CNTNAP2: variants seen among roughly 807,000 people sequenced by gnomAD.
CNTNAP2 encodes the protein contactin associated protein 2, also known as contactin-associated protein-like 2.
A neutral mutation model predicts 155.2 loss-of-function variants in CNTNAP2; 98 were observed. That is an observed-to-expected ratio of 0.63 (90% confidence interval 0.54 to 0.75). The LOEUF is 0.75. Ranked by LOEUF, CNTNAP2 falls within the 30% of genes least tolerant of loss-of-function variation. The probability of loss-of-function intolerance (pLI) is 0.00; values close to 1 mark genes in which losing one functional copy is unlikely to be tolerated. For synonymous variants in CNTNAP2, 651 were observed against 631.2 expected, an observed-to-expected ratio of 1.03 and a Z score of -0.47; for missense variants, 1,727 against 1,688.1, an observed-to-expected ratio of 1.02 and a Z score of -0.40.
At chr7:146,392,250 A>G (rs912267650) in intron 1 of CNTNAP2, among the ~76,000 whole-genome samples, 4 of 152,070 alleles carry the variant, frequency 2.6e-5, no homozygotes, top group African/African-American at 7.3e-5. Flanking sequence ...ATACATGCCA[A>G]TGACTTATGA....
At chr7:147,782,550 A>T (rs115507925) in intron 13 of CNTNAP2, among the ~76,000 whole-genome samples, 4 of 152,194 alleles carry the variant, frequency 2.6e-5, no homozygotes, top group Non-Finnish European at 5.9e-5. Flanking sequence ...GCATCCTCAC[A>T]TAGCGGAAGT....
At chr7:146,548,602 A>C (rs1229588132) in intron 1 of CNTNAP2, among the ~76,000 whole-genome samples, 2 of 151,944 alleles carry the variant, frequency 1.3e-5, no homozygotes, top group African/African-American at 4.8e-5. Flanking sequence ...ACGCTAAGCA[A>C]TCTTCATAGG....
chr7:147,128,853 G>C lies in CNTNAP2; in HGVS notation c.1083+17G>C, dbSNP rs112266985. Reference sequence around the variant, plus strand: ...TCAAATGTGGTAAGGATTTTCACCCGCAAAATATTGGTCTATAAAATATCA... The same window carrying C: ...TCAAATGTGGTAAGGATTTTCACCCCCAAAATATTGGTCTATAAAATATCA... On this transcript the variant is annotated intron_variant, in intron 7 of 23. Transcript: ENST00000361727. 12 of 1,613,598 alleles carry C rather than the reference G, an allele frequency of 7.4e-6. No homozygotes were observed. The highest frequency in any genetic ancestry group is 1.0e-5 in the Non-Finnish European group (12 of 1,179,684).
intron 8 of CNTNAP2, among the ~76,000 whole-genome samples, chr7:147,187,707 G>GT (rs1802596404): frequency 6.6e-6 from 1 of 152,084 alleles, no homozygotes; most frequent in African/African-American, 2.4e-5. Flanking sequence ...ATATATCTTT[G>GT]TAAAAACCTG....
intron 1 of CNTNAP2, among the ~76,000 whole-genome samples, chr7:146,323,471 T>C (rs569114150): frequency 1.3e-5 from 2 of 152,238 alleles, no homozygotes; most frequent in African/African-American, 4.8e-5. Flanking sequence ...GCTATGAAAG[T>C]TAACGGCTAT....
At chr7:148,379,484 G>A (rs1007228818) in intron 21 of CNTNAP2, among the ~76,000 whole-genome samples, 12 of 152,006 alleles carry the variant, frequency 7.9e-5, no homozygotes, top group East Asian at 3.9e-4. Context: ...TGGGTGGATC[G>A]CTTGAGCCTA....
chr7:147,477,738 C>T (rs1051068399), intron 10 of CNTNAP2, among the ~76,000 whole-genome samples: 19 of 152,060 alleles, frequency 1.2e-4, no homozygotes, highest in African/African-American at 3.9e-4. Context: ...TTCAAAAATC[C>T]CTTGAACAGT....
At chr7:147,347,477 CATATAT>C (rs376714937) in intron 9 of CNTNAP2, among the ~76,000 whole-genome samples, 10 of 30,172 alleles carry the variant, frequency 3.3e-4, no homozygotes, top group Admixed American at 2.3e-3. Context: ...TATATATATG[CATATAT>C]ATATATATGC....
chr7:148,249,496 C>T (rs1479536775), intron 20 of CNTNAP2, among the ~76,000 whole-genome samples: 1 of 152,102 alleles, frequency 6.6e-6, no homozygotes. Context: ...ATCTCTGTGC[C>T]TCAAACTCCA....
At chr7:147,739,610 G>A (rs59649030) in intron 13 of CNTNAP2, among the ~76,000 whole-genome samples, 1 of 151,794 alleles carries the variant, frequency 6.6e-6, no homozygotes, top group African/African-American at 2.4e-5. Context: ...ATTTATTTCA[G>A]AGAAAATCAT....
chr7:146,332,590 T>C (rs1801204930), intron 1 of CNTNAP2, among the ~76,000 whole-genome samples: 1 of 152,138 alleles, frequency 6.6e-6, no homozygotes, highest in African/African-American at 2.4e-5. Context: ...CAAGCATGAA[T>C]TATCAGATCT....
chr7:147,864,488 G>A (rs1177334049), intron 13 of CNTNAP2, among the ~76,000 whole-genome samples: 14 of 151,142 alleles, frequency 9.3e-5, no homozygotes, highest in Admixed American at 6.6e-4. Context: ...GCTTGATGGG[G>A]ATGGCATTGA....
intron 13 of CNTNAP2, among the ~76,000 whole-genome samples, chr7:147,698,629 C>T (rs996729366): frequency 1.3e-5 from 2 of 152,170 alleles, no homozygotes; most frequent in Admixed American, 1.3e-4. Context: ...GTAGCACAGT[C>T]ATGCTCACTG....
intron 12 of CNTNAP2, among the ~76,000 whole-genome samples, chr7:147,609,042 T>C (rs1801129503): frequency 6.6e-6 from 1 of 152,140 alleles, no homozygotes; most frequent in African/African-American, 2.4e-5. Context: ...GCCATCTGGA[T>C]GTATACGTGC....
chr7:146,195,250 G>T (rs747742425), intron 1 of CNTNAP2: 1 of 152,128 alleles, frequency 6.6e-6, no homozygotes, highest in Non-Finnish European at 1.5e-5. Flanking sequence ...GGAAAAAACG[G>T]TTTGCACTAA....
intron 9 of CNTNAP2, among the ~76,000 whole-genome samples, chr7:147,341,584 G>A (rs1018749591): frequency 6.6e-6 from 1 of 152,170 alleles, no homozygotes; most frequent in South Asian, 2.1e-4. Flanking sequence ...GACTTCAAGA[G>A]CCTGAGGTTT....
At chr7:147,828,488 A>G (rs1370626982) in intron 13 of CNTNAP2, among the ~76,000 whole-genome samples, 5 of 152,230 alleles carry the variant, frequency 3.3e-5, no homozygotes, top group Admixed American at 2.6e-4. Context: ...TCAATGGCAC[A>G]TCTTTTTTGG....
chr7:148,009,797 T>A (rs1289727147), intron 15 of CNTNAP2, among the ~76,000 whole-genome samples: 1 of 152,192 alleles, frequency 6.6e-6, no homozygotes, highest in Non-Finnish European at 1.5e-5. Flanking sequence ...TTTTCTGTTT[T>A]ATGATATTCC....
rs184542176 is a variant in CNTNAP2 at position 148,414,015 on chromosome 7, A to G, written c.3797-1402A>G. On this transcript the variant is annotated intron_variant, in intron 23 of 23. Coordinates refer to ENST00000361727, the MANE Select transcript of CNTNAP2 (RefSeq NM_014141.6). ...ACTTTTTAATTGGAGTGTTTAGATC[A>G]GTTATATTTACTTCTGTTTTATCTA... 4.0e-4 allele frequency among the ~76,000 whole-genome samples: 61 copies of G among 151,876 alleles called. No homozygotes were observed. The East Asian group carries it at 7.9e-3, about 20-fold the overall frequency.
Sources: gnomAD v4.1 joint callset for allele counts (sites outside exome capture counted in the v4.1 genomes callset) on GRCh38, gnomAD v4.1.1 for gene constraint, MANE v1.5 for transcripts, NCBI Gene and HGNC (gene_info 2026-07-23, HGNC 2026-07-21) for gene names.